SORCS1: variants seen among roughly 807,000 people sequenced by gnomAD.
The protein encoded by SORCS1 is sortilin related VPS10 domain containing receptor 1.
In SORCS1, 60 loss-of-function variants were observed where a neutral mutation model predicts 146.1. The observed-to-expected ratio is 0.41, with a 90% confidence interval of 0.33 to 0.51. The LOEUF is 0.51. Among genes scored for constraint, SORCS1 ranks in the 20% least tolerant of loss-of-function variants. SORCS1 has a pLI of 0.21. For synonymous variants in SORCS1, 637 were observed against 584.0 expected, an observed-to-expected ratio of 1.09 and a Z score of -1.31; for missense variants, 1,352 against 1,487.6, an observed-to-expected ratio of 0.91 and a Z score of 1.50.
intron 6 of SORCS1, among the ~76,000 whole-genome samples, chr10:106,727,620 AAAGT>A (rs1395742415): frequency 4.6e-5 from 7 of 152,338 alleles, no homozygotes; most frequent in African/African-American, 1.7e-4. Context: ...ACGTAAAAAG[AAAGT>A]ATAATTTCAA....
At chr10:107,142,993 G>A (rs775380734) in intron 1 of SORCS1, among the ~76,000 whole-genome samples, 1 of 152,198 alleles carries the variant, frequency 6.6e-6, no homozygotes. Context: ...GGATGAAGTA[G>A]TATATAACAG....
chr10:107,165,499 T>G (rs1274010929), upstream of SORCS1, among the ~76,000 whole-genome samples: 1 of 152,184 alleles, frequency 6.6e-6, no homozygotes, highest in Non-Finnish European at 1.5e-5. The surrounding 1 kb of genome is among the most constrained non-coding windows in gnomAD (Gnocchi z 4.0). Flanking sequence ...GACTGCAAAC[T>G]CATTGAGGAC....
chr10:106,948,475 C>T (rs1954483523), intron 2 of SORCS1, among the ~76,000 whole-genome samples: 1 of 151,736 alleles, frequency 6.6e-6, no homozygotes, highest in South Asian at 2.1e-4. Context: ...GGGTCCAAGA[C>T]CAGTCTGGGC....
In SORCS1 at chr10:106,813,467, T is replaced by G. The variant is rs1589453019; in HGVS notation, c.726+16107A>C. Among the ~76,000 whole-genome samples, 5 of 152,104 alleles carry G rather than the reference T, an allele frequency of 3.3e-5. No homozygotes were observed. In the East Asian group the frequency reaches 9.7e-4, roughly 29 times the overall value. ...CATTTCTGAAATGCATTCCCTCCAA[T>G]GGAGAAAAGAAACCCAGAGTAAACG... is the stretch of plus-strand genomic sequence containing the variant. On this transcript the variant is annotated intron_variant, in intron 3 of 25. Transcript: ENST00000263054.
intron 2 of SORCS1, among the ~76,000 whole-genome samples, chr10:106,836,746 A>G (rs528094946): frequency 1.8e-4 from 27 of 152,276 alleles, no homozygotes; most frequent in African/African-American, 5.8e-4. Flanking sequence ...TAAAAAAAAA[A>G]AAAGTATAAG....
At chr10:107,125,381 T>C (rs1056483899) in intron 1 of SORCS1, among the ~76,000 whole-genome samples, 3 of 152,216 alleles carry the variant, frequency 2.0e-5, no homozygotes, top group African/African-American at 7.2e-5. Context: ...TGAAAACTGC[T>C]TTGGATTTAC....
intron 2 of SORCS1, among the ~76,000 whole-genome samples, chr10:106,866,096 C>T (rs1589588609): frequency 6.6e-6 from 1 of 152,034 alleles, no homozygotes; most frequent in Non-Finnish European, 1.5e-5. Context: ...TCACTGGCCA[C>T]CCCCGACTAG....
At chr10:106,807,694 A>G (rs894175012) in intron 3 of SORCS1, among the ~76,000 whole-genome samples, 42 of 152,378 alleles carry the variant, frequency 2.8e-4, no homozygotes, top group African/African-American at 1.0e-3. Flanking sequence ...GTTTATAACA[A>G]AAGCCTCTTC....
intron 5 of SORCS1, among the ~76,000 whole-genome samples, chr10:106,759,208 T>C (rs1238431054): frequency 6.6e-6 from 1 of 152,216 alleles, no homozygotes; most frequent in South Asian, 2.1e-4. Context: ...TGATCTATTC[T>C]GCCTGTAACT....
chr10:107,144,120 T>A (rs1419845428), intron 1 of SORCS1, among the ~76,000 whole-genome samples: 1 of 152,208 alleles, frequency 6.6e-6, no homozygotes, highest in Non-Finnish European at 1.5e-5. Context: ...TGTTTTCATC[T>A]GGAAAATCCT....
chr10:106,798,787 C>T (rs969001230), intron 3 of SORCS1, among the ~76,000 whole-genome samples: 6 of 152,166 alleles, frequency 3.9e-5, no homozygotes, highest in Non-Finnish European at 2.9e-5. Context: ...ATTTATAATG[C>T]TTTGGGTATA....
At chr10:106,580,710 T>A (rs1163853332) in intron 24 of SORCS1, among the ~76,000 whole-genome samples, 2 of 152,200 alleles carry the variant, frequency 1.3e-5, no homozygotes, top group African/African-American at 4.8e-5. Flanking sequence ...GTGACTATAA[T>A]ACTGATGGTC....
chr10:106,794,221 T>G (rs187792973), intron 3 of SORCS1, among the ~76,000 whole-genome samples: 131 of 152,314 alleles, frequency 8.6e-4, no homozygotes, highest in Non-Finnish European at 1.5e-3. Context: ...ACTCTAGAAC[T>G]GCTATCCCCT....
intron 6 of SORCS1, among the ~76,000 whole-genome samples, chr10:106,719,230 T>C (rs1275552406): frequency 1.3e-5 from 2 of 152,176 alleles, no homozygotes; most frequent in Non-Finnish European, 2.9e-5. Flanking sequence ...ATTTAGCTCA[T>C]GAAGGAGAAA....
At chr10:107,013,362 G>A (rs959432064) in intron 1 of SORCS1, among the ~76,000 whole-genome samples, 2 of 151,998 alleles carry the variant, frequency 1.3e-5, no homozygotes, top group African/African-American at 4.8e-5. Flanking sequence ...TTCAGATCTA[G>A]CCAGGAACTC....
At chr10:106,641,615 G>A (rs1849074289) in intron 18 of SORCS1, among the ~76,000 whole-genome samples, 1 of 152,018 alleles carries the variant, frequency 6.6e-6, no homozygotes, top group Non-Finnish European at 1.5e-5. Context: ...TGCTTCTTGG[G>A]GAAGGCTATC....
intron 1 of SORCS1, among the ~76,000 whole-genome samples, chr10:107,096,437 G>A (rs1964547290): frequency 6.6e-6 from 1 of 152,222 alleles, no homozygotes. Flanking sequence ...TGTACATGAA[G>A]ACTTAGCTTT....
At chr10:106,984,636 G>A (rs189062771) in intron 1 of SORCS1, among the ~76,000 whole-genome samples, 270 of 151,656 alleles carry the variant, frequency 1.8e-3, no homozygotes, top group African/African-American at 6.2e-3. Flanking sequence ...CTCGTGATCC[G>A]CCCACCTGGG....
chr10:106,830,011 C>G (rs1564708001), intron 2 of SORCS1, among the ~76,000 whole-genome samples: 1 of 152,180 alleles, frequency 6.6e-6, no homozygotes, highest in Non-Finnish European at 1.5e-5. Context: ...TATGACATTT[C>G]CAAACTTTTA....
Sources: allele counts gnomAD v4.1 joint callset (sites outside exome capture counted in the v4.1 genomes callset), GRCh38; gene constraint gnomAD v4.1.1; non-coding constraint Gnocchi (gnomAD v3.1); transcripts MANE v1.5; gene names NCBI Gene and HGNC (gene_info 2026-07-23, HGNC 2026-07-21).